Variants in PAX6 observed in about 807,000 individuals in gnomAD.
PAX6 encodes the protein paired box protein Pax-6.
Under a neutral mutation model 60.7 loss-of-function variants are expected in PAX6, and 7 were observed. The ratio of observed to expected loss-of-function variants is 0.12; its 90% CI spans 0.07 to 0.22. The LOEUF (loss-of-function observed/expected upper bound fraction) is 0.22. Among genes scored for constraint, PAX6 ranks in the 10% least tolerant of loss-of-function variants. The pLI is 1.00. For missense variants in PAX6, 355 were observed against 555.2 expected, an observed-to-expected ratio of 0.64 and a Z score of 3.62; for synonymous variants, 208 against 201.2, an observed-to-expected ratio of 1.03 and a Z score of -0.29.
At chr11:31,801,393 A>G (rs1382490943) in intron 7 of PAX6, 168 bp downstream of exon 7, 1 of 1,510,172 alleles carries the variant, frequency 6.6e-7, no homozygotes, top group Non-Finnish European at 8.8e-7. Flanking sequence ...CAGACAGTCA[A>G]AGAAAAGTCA....
At chr11:31,797,426 C>T (rs1415479854) in intron 8 of PAX6, among the ~76,000 whole-genome samples, 1 of 151,438 alleles carries the variant, frequency 6.6e-6, no homozygotes, top group African/African-American at 2.4e-5. Flanking sequence ...ACGCGATCGC[C>T]GCCAGGCCCT....
At chr11:31,815,768 C>A (rs537681328), upstream of PAX6, among the ~76,000 whole-genome samples, 20 of 96,326 alleles carry the variant, frequency 2.1e-4, no homozygotes, top group African/African-American at 8.6e-4. Context: ...TCAGCGCTAT[C>A]TCCAAAAAAA....
chr11:31,817,706 CG>C (rs1957444858), intron 1 of PAX6: 1 of 152,260 alleles, frequency 6.6e-6, no homozygotes, highest in South Asian at 2.1e-4. Flanking sequence ...AATCAAGCCC[CG>C]GGGCCACTTG....
intron 2 of PAX6, chr11:31,808,273 T>C (rs542675942): frequency 1.3e-5 from 2 of 152,356 alleles, no homozygotes; most frequent in Non-Finnish European, 2.9e-5. Flanking sequence ...TTTAACTACT[T>C]GGTAGACAGC....
intron 8 of PAX6, among the ~76,000 whole-genome samples, chr11:31,799,749 G>A (rs1003515798): frequency 1.2e-4 from 18 of 152,104 alleles, no homozygotes; most frequent in African/African-American, 4.1e-4. Flanking sequence ...GCAGTCCCGC[G>A]CGCCGCCCCT....
chr11:31,803,035 C>T (rs1351294715), intron 4 of PAX6: 7 of 637,898 alleles, frequency 1.1e-5, no homozygotes, highest in Admixed American at 4.6e-5. Context: ...CCAACCTCGG[C>T]GGTCAGTTCC....
chr11:31,806,913 T>G lies in PAX6; in HGVS notation c.-116A>C. 6.4e-6 allele frequency: 1 copy of G among 156,266 alleles called. No individual in the cohort carries two copies. 9.7% of individuals were successfully genotyped at this position (156,266 alleles called of 1,614,324 possible). ...CCTCACACATCTGCGCGCCCCTAGTTAAAGTCTTCCCCCTAAGACAAAACA... is the reference window on the plus strand; with the variant it reads ...CCTCACACATCTGCGCGCCCCTAGTGAAAGTCTTCCCCCTAAGACAAAACA... On this transcript the variant is annotated 5_prime_UTR_variant, in exon 3 of 14. The change abolishes the stop of an existing upstream ORF in the 5' untranslated region. Coordinates refer to ENST00000640368, the MANE Select transcript of PAX6 (RefSeq NM_001368894.2).
Position 31,789,827 on chromosome 11 carries a change from C to G in PAX6, c.*107G>C, listed in dbSNP as rs886048201. 4.9e-6 allele frequency: 5 copies of G among 1,019,804 alleles called. No individual in the cohort carries two copies. The East Asian group carries it at 7.8e-5, about 16-fold the overall frequency. The allele number at this position is 1,019,804 out of a possible 1,614,324, so 63.2% of individuals were successfully genotyped here. A position where few individuals can be genotyped will look rare whatever the true frequency, so the allele number is the denominator to read the frequency against. On this transcript the variant is annotated 3_prime_UTR_variant, in exon 14 of 14. Coordinates refer to ENST00000640368, the MANE Select transcript of PAX6 (RefSeq NM_001368894.2). ...ACACAATTGTAGAACTGAAGCGGCT[C>G]TAACAGCCATTTTTCTTTCTTTCCT...
rs1565262854 is a variant in PAX6 at position 31,806,424 on chromosome 11, T to C, written c.-13A>G. On this transcript the variant is annotated 5_prime_UTR_variant, in exon 4 of 14. Transcript: ENST00000640368. ...TACTGTTCTGCATGCTGGCTCTGGC[T>C]GGGGGCCGCGGGATTCCACGGGGCT... 1 of 1,609,682 alleles carries C rather than the reference T, an allele frequency of 6.2e-7. No homozygotes were observed. Among genetic ancestry groups the C allele is most frequent in the East Asian group, 2.2e-5 (1 of 44,702 alleles).
rs1956949095 is a variant in PAX6 at position 31,810,969 on chromosome 11, C to A, written c.-270G>T. 1 of 399,130 alleles carries A rather than the reference C, an allele frequency of 2.5e-6. No homozygotes were observed. The highest frequency in any genetic ancestry group is 2.1e-5 in the African/African-American group (1 of 48,628). The allele number at this position is 399,130 out of a possible 1,614,324, so 24.7% of individuals were successfully genotyped here. A position where few individuals can be genotyped will look rare whatever the true frequency, so the allele number is the denominator to read the frequency against. On this transcript the variant is annotated 5_prime_UTR_variant, in exon 2 of 14. Transcript: ENST00000640368. ...TAAAGGAGTTGCTGGTGAGAGTTTT[C>A]TCCACGGATGTTGCTGGGTTGGTGT...
chr11:31,791,368 GA>G, intron 12 of PAX6: 1 of 215,862 alleles, frequency 4.6e-6, no homozygotes, highest in Non-Finnish European at 9.5e-6. Context: ...ATTCTTTGAA[GA>G]AGCAGATCTG....
intron 1 of PAX6, chr11:31,816,471 G>GATCTCCAATAAAC: frequency 1.4e-6 from 1 of 689,940 alleles, no homozygotes; most frequent in Non-Finnish European, 2.7e-6. Flanking sequence ...CGTGACAGCC[G>GATCTCCAATAAAC]AATAAACACG....
rs1264820800 is a variant in PAX6, at chr11:31,801,367, C to G, written c.399+194G>C. 2.7e-6 allele frequency: 4 copies of G among 1,484,768 alleles called. No homozygotes were observed. In the South Asian group the frequency reaches 4.1e-5, roughly 15 times the overall value. The allele number at this position is 1,484,768 out of a possible 1,614,324, so 92.0% of individuals were successfully genotyped here. A position where few individuals can be genotyped will look rare whatever the true frequency, so the allele number is the denominator to read the frequency against. The stretch of plus-strand genomic sequence containing the variant: ...CAAATGAAGTGAATGACTCCCCACA[C>G]TTGACTCCCATTTTCCAGACAGTCA... On this transcript the variant is annotated intron_variant, in intron 7 of 13. Coordinates refer to ENST00000640368, the MANE Select transcript of PAX6 (RefSeq NM_001368894.2).
intron 12 of PAX6, 26 bp from the exon 13 acceptor site, chr11:31,790,886 G>A (rs185763412): frequency 6.2e-7 from 1 of 1,612,040 alleles, no homozygotes; most frequent in East Asian, 2.2e-5. Flanking sequence ...CAAACCTGTG[G>A]TTACTGAGGA....
At chr11:31,790,941 C>A (rs754885211) in intron 12 of PAX6, 81 bp from the exon 13 acceptor site, 1 of 1,446,534 alleles carries the variant, frequency 6.9e-7, no homozygotes, top group South Asian at 1.2e-5. Flanking sequence ...TCCCGAGGAA[C>A]TCTGCCAACA....
intron 12 of PAX6, chr11:31,792,030 T>C (rs1298557598): frequency 6.6e-6 from 1 of 152,238 alleles, no homozygotes; most frequent in Non-Finnish European, 1.5e-5. Context: ...TACTTGTTCG[T>C]CTTATTATTT....
At chr11:31,810,630 G>T (rs894595276) in intron 2 of PAX6, 198 bp downstream of exon 2, 3 of 372,290 alleles carry the variant, frequency 8.1e-6, no homozygotes, top group African/African-American at 6.3e-5. Context: ...CCCGCTCGCC[G>T]GCAGTCGCCC....
intron 2 of PAX6, chr11:31,809,652 C>T (rs578028695): frequency 1.3e-4 from 20 of 152,322 alleles, no homozygotes; most frequent in Admixed American, 5.9e-4. Flanking sequence ...TTTGAAAAGA[C>T]ACTTTTCCTC....
intron 2 of PAX6, chr11:31,808,870 C>T (rs575966315): frequency 1.3e-5 from 2 of 152,400 alleles, no homozygotes; most frequent in East Asian, 3.9e-4. Context: ...GAGGTCAGAC[C>T]CCCAACTGCA....
Sources: gnomAD v4.1 joint callset for allele counts (sites outside exome capture counted in the v4.1 genomes callset) on GRCh38, gnomAD v4.1.1 for gene constraint, MANE v1.5 for transcripts, NCBI Gene and HGNC (gene_info 2026-07-23, HGNC 2026-07-21) for gene names.